Variants in NEGR1 observed in about 807,000 individuals in gnomAD.
The protein encoded by NEGR1 is IgLON family member 4.
A neutral mutation model predicts 40.9 loss-of-function variants in NEGR1; 10 were observed. The ratio of observed to expected loss-of-function variants is 0.24; its 90% confidence interval spans 0.15 to 0.42. NEGR1 has a LOEUF of 0.42. Ranked by LOEUF, NEGR1 falls within the 10% of genes least tolerant of loss-of-function variation. NEGR1 has a pLI of 1.00. For missense variants in NEGR1, 352 were observed against 438.9 expected (o/e 0.80, Z 1.77); for synonymous variants, 185 against 166.8 (o/e 1.11, Z -0.84).
intron 6 of NEGR1, among the ~76,000 whole-genome samples, chr1:71,455,162 T>C (rs1361539180): frequency 6.6e-6 from 1 of 152,190 alleles, no homozygotes; most frequent in Non-Finnish European, 1.5e-5. Context: ...TGTACAAATA[T>C]GTCAATATTT....
In NEGR1 at chr1:72,282,435, C is replaced by A. The variant is rs1570224157; in HGVS notation, c.60G>T (p.Val20=). 2 of 1,613,544 alleles carry A rather than the reference C, an allele frequency of 1.2e-6. No individual in the cohort carries two copies. The highest frequency in any genetic ancestry group is 1.3e-5 in the African/African-American group (1 of 74,778). Residue 20 remains valine (V), a synonymous_variant, in exon 1 of 7, where the codon GTG becomes GTT. Transcript: ENST00000357731. The stretch of plus-strand genomic sequence containing the variant: ...GTAGCAGGCAGCACAGGCTGAGGAG[C>A]ACCGCCGCCAGCCACTGGTTCGAGC... The part of the protein sequence containing the change: ...ACCSNQWLAA[V]LLSLCCLLPS...
chr1:71,528,925 T>TAC (rs1371975396), intron 6 of NEGR1, among the ~76,000 whole-genome samples: 1 of 151,280 alleles, frequency 6.6e-6, no homozygotes, highest in African/African-American at 2.4e-5. Flanking sequence ...AGTGACACTG[T>TAC]ACAAGTCCAA....
At chr1:72,216,324 G>T (rs1033613540) in intron 1 of NEGR1, among the ~76,000 whole-genome samples, 2 of 146,834 alleles carry the variant, frequency 1.4e-5, no homozygotes, top group African/African-American at 5.1e-5. Context: ...GTATACCTAT[G>T]TAACAAACCT....
intron 6 of NEGR1, among the ~76,000 whole-genome samples, chr1:71,506,826 A>G (rs557568263): frequency 1.3e-5 from 2 of 152,186 alleles, no homozygotes; most frequent in African/African-American, 4.8e-5. Flanking sequence ...AACAAAAAAA[A>G]CCATAATGGT....
intron 2 of NEGR1, among the ~76,000 whole-genome samples, chr1:71,783,262 G>A (rs1047975759): frequency 1.3e-5 from 2 of 152,058 alleles, no homozygotes; most frequent in African/African-American, 4.8e-5. Flanking sequence ...CTTTCACTGG[G>A]CTGGCACTCC....
intron 6 of NEGR1, among the ~76,000 whole-genome samples, chr1:71,532,844 G>A (rs533742174): frequency 1.3e-5 from 2 of 151,594 alleles, no homozygotes; most frequent in Non-Finnish European, 3.0e-5. Context: ...GACATACTTT[G>A]AGAATGTATG....
intron 3 of NEGR1, among the ~76,000 whole-genome samples, chr1:71,728,379 C>A (rs1288580275): frequency 6.6e-6 from 1 of 152,050 alleles, no homozygotes; most frequent in East Asian, 1.9e-4. Flanking sequence ...GAAGCAGGAC[C>A]TTCCTTGCTA....
chr1:71,801,961 TG>T (rs1411791770), intron 2 of NEGR1, among the ~76,000 whole-genome samples: 1 of 152,196 alleles, frequency 6.6e-6, no homozygotes, highest in African/African-American at 2.4e-5. Context: ...AAAGGTGCTC[TG>T]GTAGGGTCTC....
At chr1:71,834,613 C>G (rs1295060058) in intron 2 of NEGR1, among the ~76,000 whole-genome samples, 4 of 151,906 alleles carry the variant, frequency 2.6e-5, no homozygotes, top group Non-Finnish European at 5.9e-5. Flanking sequence ...TTCCTGGGCC[C>G]CCACTTTCAG....
chr1:72,041,755 A>G (rs1646956755), intron 1 of NEGR1, among the ~76,000 whole-genome samples: 1 of 148,262 alleles, frequency 6.7e-6, no homozygotes, highest in Non-Finnish European at 1.5e-5. Flanking sequence ...TATACCCATG[A>G]CATGAGGTAG....
rs182957292 is a variant in NEGR1 at position 72,206,422 on chromosome 1, T to C, written c.176+75897A>G. On this transcript the variant is annotated intron_variant, in intron 1 of 6. Coordinates refer to ENST00000357731, the MANE Select transcript of NEGR1 (RefSeq NM_173808.3). ...AGTTCATTGTAAGTATTCAGTGATA[T>C]TAATTTTGCACAGGATGTTAAAGTG... is the stretch of plus-strand genomic sequence containing the variant. Among the ~76,000 whole-genome samples, 203 of 152,250 alleles carry C rather than the reference T, an allele frequency of 1.3e-3. 1 individual carries two copies. Among genetic ancestry groups the C allele is most frequent in the African/African-American group, 4.7e-3 (197 of 41,582 alleles).
At chr1:72,003,613 TTG>T (rs869046994) in intron 1 of NEGR1, among the ~76,000 whole-genome samples, 7 of 139,598 alleles carry the variant, frequency 5.0e-5, no homozygotes, top group Non-Finnish European at 9.1e-5. Context: ...GGATTAAATT[TTG>T]TTTTTAGACC....
rs1345153713 is a variant in NEGR1 at position 71,404,293 on chromosome 1, A to C, written c.*3153T>G. The C allele has an allele frequency of 6.6e-6, 1 of 151,944 alleles. No homozygotes were observed. The highest frequency in any genetic ancestry group is 1.5e-5 in the Non-Finnish European group (1 of 67,650). The allele number at this position is 151,944 out of a possible 1,614,324, so 9.4% of individuals were successfully genotyped here. A position where few individuals can be genotyped will look rare whatever the true frequency, so the allele number is the denominator to read the frequency against. On this transcript the variant is annotated 3_prime_UTR_variant, in exon 7 of 7. Coordinates refer to ENST00000357731, the MANE Select transcript of NEGR1 (RefSeq NM_173808.3). ...TTATAAACCCCCCAAAAGTGGCTTT[A>C]AGTTTGAAATTCTCCCTCTCAAATC... is the stretch of plus-strand genomic sequence containing the variant.
At position 71,734,849 on chromosome 1, in the gene NEGR1, C is replaced by T. The variant is rs111407123; in HGVS notation, c.536-36710G>A. Among the ~76,000 whole-genome samples, 277 of 152,232 alleles carry T rather than the reference C, an allele frequency of 1.8e-3. 1 individual carries two copies. Among genetic ancestry groups the T allele is most frequent in the African/African-American group, 6.5e-3 (270 of 41,576 alleles). ...AGTCTTTGATCATCTTAAATGCTTT[C>T]TTCTTGCATTGTCCTCTTCAGTTCT... On this transcript the variant is annotated intron_variant, in intron 3 of 6. Transcript: ENST00000357731.
At chr1:72,007,849 C>G (rs1646621505) in intron 1 of NEGR1, among the ~76,000 whole-genome samples, 1 of 152,026 alleles carries the variant, frequency 6.6e-6, no homozygotes, top group South Asian at 2.1e-4. Flanking sequence ...TTGCCTAAGG[C>G]CTACATCTTT....
At chr1:71,933,353 G>C (rs17091931) in intron 2 of NEGR1, among the ~76,000 whole-genome samples, 3,501 of 152,054 alleles carry the variant, frequency 0.023, 125 homozygotes, top group African/African-American at 0.08. Context: ...GAACAAGAGA[G>C]AATGGAAAAA....
intron 1 of NEGR1, among the ~76,000 whole-genome samples, chr1:72,115,878 AC>A (rs1283132035): frequency 1.3e-5 from 2 of 151,756 alleles, no homozygotes; most frequent in Non-Finnish European, 2.9e-5. Flanking sequence ...ACTTCTGATA[AC>A]TTTAATGTAG....
At chr1:71,688,967 G>A (rs965352805) in intron 4 of NEGR1, among the ~76,000 whole-genome samples, 2 of 152,072 alleles carry the variant, frequency 1.3e-5, no homozygotes, top group African/African-American at 4.8e-5. Flanking sequence ...TAGTTTATAA[G>A]TGACTGAGCT....
chr1:72,151,043 G>A (rs1000283367), intron 1 of NEGR1, among the ~76,000 whole-genome samples: 2 of 151,756 alleles, frequency 1.3e-5, no homozygotes, highest in Admixed American at 6.6e-5. Context: ...AACAGCCAAA[G>A]CCATCTAACT....
Sources: allele counts gnomAD v4.1 joint callset (sites outside exome capture counted in the v4.1 genomes callset), GRCh38; gene constraint gnomAD v4.1.1; transcripts MANE v1.5; gene names NCBI Gene and HGNC (gene_info 2026-07-23, HGNC 2026-07-21).